Variants in IQSEC1 observed in about 807,000 individuals in gnomAD.
IQSEC1 encodes IQ motif and SEC7 domain-containing protein 1.
A neutral mutation model predicts 91.0 loss-of-function variants in IQSEC1; 31 were observed. The observed-to-expected ratio is 0.34, with a 90% CI of 0.26 to 0.46. The LOEUF (loss-of-function observed/expected upper bound fraction) is 0.46. Ranked by LOEUF, IQSEC1 falls within the 20% of genes least tolerant of loss-of-function variation. The probability of loss-of-function intolerance (pLI) is 1.00; values close to 1 mark genes in which losing one functional copy is unlikely to be tolerated. For missense variants in IQSEC1, 1,388 were observed against 1,575.6 expected (o/e 0.88, Z 2.02); for synonymous variants, 699 against 662.6 (o/e 1.05, Z -0.84).
intron 1 of IQSEC1, among the ~76,000 whole-genome samples, chr3:13,203,108 C>T (rs553128862): frequency 2.8e-4 from 42 of 152,084 alleles, no homozygotes; most frequent in African/African-American, 1.0e-3. Flanking sequence ...GTGGGAAGGA[C>T]GGAGGAGAGG....
At chr3:12,997,792 G>A (rs189595856) in intron 1 of IQSEC1, among the ~76,000 whole-genome samples, 49 of 152,288 alleles carry the variant, frequency 3.2e-4, no homozygotes, top group African/African-American at 1.1e-3. Context: ...ATTTGACCAG[G>A]TAGTAGATAT....
intron 1 of IQSEC1, among the ~76,000 whole-genome samples, chr3:13,192,881 G>C (rs1471144099): frequency 6.6e-6 from 1 of 152,232 alleles, no homozygotes; most frequent in Admixed American, 6.5e-5. Context: ...CCTTGAGGGG[G>C]AGCATTTGCC....
intron 2 of IQSEC1, among the ~76,000 whole-genome samples, chr3:13,098,983 T>C (rs1297272638): frequency 6.6e-6 from 1 of 152,236 alleles, no homozygotes; most frequent in Non-Finnish European, 1.5e-5. Flanking sequence ...AATAACTTTG[T>C]CATATGTCAG....
intron 1 of IQSEC1, among the ~76,000 whole-genome samples, chr3:12,985,729 G>A (rs1028259752): frequency 1.3e-5 from 2 of 152,156 alleles, no homozygotes; most frequent in Admixed American, 6.5e-5. Context: ...GGTGATAAAC[G>A]TTTATATGTT....
At chr3:12,950,914 G>A (rs1699500731) in intron 1 of IQSEC1, among the ~76,000 whole-genome samples, 1 of 152,010 alleles carries the variant, frequency 6.6e-6, no homozygotes, top group Non-Finnish European at 1.5e-5. Flanking sequence ...CCAAAATGCT[G>A]AGATTACAGG....
chr3:12,958,936 G>A (rs1700081209), intron 1 of IQSEC1, among the ~76,000 whole-genome samples: 1 of 152,216 alleles, frequency 6.6e-6, no homozygotes, highest in African/African-American at 2.4e-5. Flanking sequence ...AAAGGTGACG[G>A]GAGCTGTCTA....
rs9821260 is a variant in IQSEC1 at position 13,060,145 on chromosome 3, C to T, written c.23+12847G>A. On this transcript the variant is annotated intron_variant, in intron 1 of 13. Transcript: ENST00000613206. ...GCAGGGGTTGTTGTCTCTCCCACCT[C>T]GCAGAGGAACAAGCTGGGGCTCAGA... Among the ~76,000 whole-genome samples, 1,254 of 152,206 alleles carry T rather than the reference C, an allele frequency of 8.2e-3. 14 individuals are homozygous for T. Among genetic ancestry groups the T allele is most frequent in the African/African-American group, 0.028 (1,143 of 41,510 alleles).
chr3:13,253,707 C>T (rs574823358), intron 1 of IQSEC1, among the ~76,000 whole-genome samples: 1 of 152,330 alleles, frequency 6.6e-6, no homozygotes, highest in South Asian at 2.1e-4. Context: ...TCAACAGCCT[C>T]ATTTTCTGGG....
chr3:13,214,913 C>A lies in IQSEC1; in HGVS notation c.273-50780G>T, dbSNP rs1370194976. On this transcript the variant is annotated intron_variant, in intron 1 of 15. Transcript: ENST00000648114. The surrounding 1 kb of genome is among the most constrained non-coding windows in gnomAD (Gnocchi z 4.5). ...AGCACTAGCCGAATGAACAGGCACC[C>A]GAGTGAACGGATGAGTGGAATTTAC... Among the ~76,000 whole-genome samples, 1 of 152,200 alleles carries A rather than the reference C, an allele frequency of 6.6e-6. No homozygotes were observed. The highest frequency in any genetic ancestry group is 1.5e-5 in the Non-Finnish European group (1 of 68,048).
chr3:13,202,034 C>T (rs1377644863), intron 1 of IQSEC1, among the ~76,000 whole-genome samples: 1 of 152,206 alleles, frequency 6.6e-6, no homozygotes, highest in Non-Finnish European at 1.5e-5. Context: ...CAGCCGCTGC[C>T]AAGAGGAGTC....
At chr3:13,035,496 C>T (rs1489808742) in intron 1 of IQSEC1, among the ~76,000 whole-genome samples, 3 of 152,192 alleles carry the variant, frequency 2.0e-5, no homozygotes, top group Non-Finnish European at 2.9e-5. Flanking sequence ...AATCACCACA[C>T]TTCATTTCAA....
intron 1 of IQSEC1, among the ~76,000 whole-genome samples, chr3:13,043,496 GCTC>G (rs1430533802): frequency 2.0e-5 from 3 of 152,152 alleles, no homozygotes; most frequent in Non-Finnish European, 4.4e-5. Flanking sequence ...CTGCAGCTCC[GCTC>G]CTCCTCGTCA....
intron 1 of IQSEC1, among the ~76,000 whole-genome samples, chr3:12,972,030 C>CA (rs1700925884): frequency 6.6e-6 from 1 of 150,548 alleles, no homozygotes; most frequent in Non-Finnish European, 1.5e-5. Context: ...AACAAACAAA[C>CA]AAACAAACAA....
chr3:13,025,516 G>T (rs1307088521), intron 1 of IQSEC1, among the ~76,000 whole-genome samples: 1 of 152,174 alleles, frequency 6.6e-6, no homozygotes, highest in African/African-American at 2.4e-5. Context: ...ACTGGAAGGG[G>T]TGCCCCCTAC....
intron 1 of IQSEC1, among the ~76,000 whole-genome samples, chr3:13,248,724 T>C (rs552439811): frequency 7.0e-6 from 1 of 143,328 alleles, no homozygotes. Context: ...CAGTTACTAA[T>C]CACGTCGTAC....
intron 2 of IQSEC1, among the ~76,000 whole-genome samples, chr3:13,092,632 G>A (rs766714300): frequency 1.3e-5 from 2 of 152,128 alleles, no homozygotes; most frequent in African/African-American, 2.4e-5. Flanking sequence ...CTAAATAATG[G>A]GAGAAGTCAA....
At chr3:12,982,777 G>A (rs1701531225) in intron 1 of IQSEC1, among the ~76,000 whole-genome samples, 1 of 152,240 alleles carries the variant, frequency 6.6e-6, no homozygotes, top group African/African-American at 2.4e-5. Flanking sequence ...AGAGCTGCCT[G>A]CCTGTGGTGG....
At chr3:13,178,378 G>T (rs988543566) in intron 1 of IQSEC1, among the ~76,000 whole-genome samples, 1 of 152,232 alleles carries the variant, frequency 6.6e-6, no homozygotes, top group Admixed American at 6.5e-5. Context: ...CAGGGGTGTG[G>T]TCAAGAGTGA....
chr3:13,225,663 A>G (rs909893006), intron 1 of IQSEC1, among the ~76,000 whole-genome samples: 20 of 152,240 alleles, frequency 1.3e-4, no homozygotes, highest in Non-Finnish European at 2.9e-4. Flanking sequence ...ACTCAAGGAT[A>G]AGTGAAGATT....
Sources: allele counts gnomAD v4.1 joint callset (sites outside exome capture counted in the v4.1 genomes callset), GRCh38; gene constraint gnomAD v4.1.1; non-coding constraint Gnocchi (gnomAD v3.1); transcripts MANE v1.5; gene names NCBI Gene and HGNC (gene_info 2026-07-23, HGNC 2026-07-21).